The following REV3L variants were observed in gnomAD, a reference collection of about 807,000 sequenced individuals.
The protein encoded by REV3L is DNA polymerase zeta catalytic subunit.
REV3L carries 69 observed loss-of-function variants against 299.4 expected under a neutral mutation model. The observed-to-expected ratio is 0.23, with a 90% CI of 0.19 to 0.28. The LOEUF is 0.28. REV3L is among the 10% of genes least tolerant of loss of function. The pLI, the probability that REV3L is intolerant of heterozygous loss-of-function variation, is 1.00. For missense variants in REV3L, 3,128 were observed against 3,693.8 expected (o/e 0.85, Z 3.97); for synonymous variants, 1,238 against 1,271.4 (o/e 0.97, Z 0.56).
chr6:111,389,613 C>T (rs1781693103), intron 6 of REV3L, among the ~76,000 whole-genome samples: 1 of 151,880 alleles, frequency 6.6e-6, no homozygotes, highest in Non-Finnish European at 1.5e-5. Flanking sequence ...AAAATTAATA[C>T]CTCATCAGAA....
intron 1 of REV3L, among the ~76,000 whole-genome samples, chr6:111,465,676 T>C (rs1454165418): frequency 7.4e-6 from 1 of 134,974 alleles, no homozygotes; most frequent in Non-Finnish European, 1.5e-5. Context: ...GAGGTTGCAG[T>C]GAGCTGAGAT....
chr6:111,343,781 C>T lies in REV3L; in HGVS notation c.7538+144G>A, dbSNP rs562466526. On this transcript the variant is annotated intron_variant, in intron 21 of 31. Coordinates refer to ENST00000368802, the MANE Select transcript of REV3L (RefSeq NM_001372078.1). ...CTGATGTCAGGTGATGTGCCCGCCT[C>T]GGCCTCCCAATGTGCTAGGATTACA... is the stretch of plus-strand genomic sequence containing the variant. 21 of 488,454 alleles carry T rather than the reference C, an allele frequency of 4.3e-5. No individual in the cohort carries two copies. In the South Asian group the frequency reaches 9.0e-4, roughly 21 times the overall value. The allele number at this position is 488,454 out of a possible 1,614,324, so 30.3% of individuals were successfully genotyped here.
rs1489298836 is a variant in REV3L at position 111,313,429 on chromosome 6, G to C, written c.8527C>G (p.Leu2843Val). The C allele has an allele frequency of 1.9e-6, 3 of 1,613,274 alleles. No individual in the cohort carries two copies. Among genetic ancestry groups the C allele is most frequent in the Non-Finnish European group, 2.5e-6 (3 of 1,179,622 alleles). Residue 2843 changes from leucine to valine, a missense_variant, in exon 28 of 32, where the codon CTG becomes GTG. By Grantham distance (32) the Leu-to-Val change is conservative (BLOSUM62 1). This residue lies in a region of REV3L where 294 missense variants were observed against 377.0 expected (regional missense o/e 0.78). Coordinates refer to ENST00000368802, the MANE Select transcript of REV3L (RefSeq NM_001372078.1). ...TCAAATACTGGGTCCTTCTGATCCA[G>C]TGTTTCATACATGTAACCCACATAC... is the stretch of plus-strand genomic sequence containing the variant. ...KRYVGYMYET[L>V]DQKDPVFDAK...
intron 5 of REV3L, among the ~76,000 whole-genome samples, chr6:111,390,639 G>T (rs1048213189): frequency 1.3e-5 from 2 of 152,130 alleles, no homozygotes. Context: ...ATGGGCAAAC[G>T]ATATTCACCA....
chr6:111,439,409 G>A (rs1192597456), intron 1 of REV3L, among the ~76,000 whole-genome samples: 4 of 152,100 alleles, frequency 2.6e-5, no homozygotes. Flanking sequence ...TTGGTGGCTG[G>A]CCATCAGAAG....
Position 111,390,026 on chromosome 6 carries a change from A to G in REV3L, c.757+60T>C, listed in dbSNP as rs958130911. 2.9e-5 allele frequency: 33 copies of G among 1,123,106 alleles called. No individual in the cohort carries two copies. The African/African-American group carries it at 3.9e-4, about 13-fold the overall frequency. 69.6% of individuals were successfully genotyped at this position (1,123,106 alleles called of 1,614,324 possible). Reference sequence around the variant, plus strand: ...TGGGATTACAGGCGTGAGCCACCACACCCGCCGGTCATTAATTTTAAAAAA... The same window carrying G: ...TGGGATTACAGGCGTGAGCCACCACGCCCGCCGGTCATTAATTTTAAAAAA... On this transcript the variant is annotated intron_variant, in intron 6 of 31. Coordinates refer to ENST00000368802, the MANE Select transcript of REV3L (RefSeq NM_001372078.1).
At chr6:111,334,848 G>A (rs1205075992) in intron 22 of REV3L, among the ~76,000 whole-genome samples, 1 of 152,152 alleles carries the variant, frequency 6.6e-6, no homozygotes, top group Admixed American at 6.5e-5. Flanking sequence ...ATTAAAATAA[G>A]TAAGGATTTT....
chr6:111,386,885 C>A (rs1781404579), intron 9 of REV3L, among the ~76,000 whole-genome samples: 1 of 151,948 alleles, frequency 6.6e-6, no homozygotes, highest in Admixed American at 6.6e-5. Flanking sequence ...CCACGCCCGG[C>A]TAATTTTTGT....
intron 26 of REV3L, among the ~76,000 whole-genome samples, chr6:111,321,167 A>ATT (rs994714416): frequency 3.3e-5 from 5 of 152,192 alleles, no homozygotes; most frequent in African/African-American, 1.2e-4. Context: ...TGTTCTTAAT[A>ATT]AGCATCACTT....
chr6:111,361,702 G>A (rs1778699302), intron 16 of REV3L: 1 of 152,162 alleles, frequency 6.6e-6, no homozygotes, highest in South Asian at 2.1e-4. Context: ...TACAACCCTT[G>A]TCTTCTGCAC....
At chr6:111,384,687 G>T (rs1439635983) in intron 9 of REV3L, among the ~76,000 whole-genome samples, 1 of 152,150 alleles carries the variant, frequency 6.6e-6, no homozygotes, top group Non-Finnish European at 1.5e-5. Context: ...CAGTATGAAG[G>T]TTCCTTAATA....
intron 1 of REV3L, among the ~76,000 whole-genome samples, chr6:111,435,775 A>T (rs115785617): frequency 0.028 from 4,220 of 152,234 alleles, 70 homozygotes; most frequent in South Asian, 0.078. Context: ...TTTGGGTAAG[A>T]CCTCAAAAGC....
chr6:111,341,760 G>GC (rs1292848330), intron 21 of REV3L, among the ~76,000 whole-genome samples: 2 of 151,836 alleles, frequency 1.3e-5, no homozygotes, highest in Non-Finnish European at 2.9e-5. Flanking sequence ...AGGAGTTGGG[G>GC]GGGGTCAGAA....
chr6:111,396,159 T>C (rs1237572193), intron 4 of REV3L, among the ~76,000 whole-genome samples: 3 of 152,100 alleles, frequency 2.0e-5, no homozygotes, highest in African/African-American at 7.2e-5. Flanking sequence ...CCCAAGTAGG[T>C]GGGACTACAG....
At chr6:111,370,358 TAA>T (rs1302971761) in intron 13 of REV3L, among the ~76,000 whole-genome samples, 3 of 152,054 alleles carry the variant, frequency 2.0e-5, no homozygotes, top group Admixed American at 6.5e-5. Context: ...AGCAGTGAAA[TAA>T]AGAGTTCCAT....
chr6:111,391,870 T>A (rs188851958), intron 5 of REV3L, among the ~76,000 whole-genome samples: 39 of 152,384 alleles, frequency 2.6e-4, no homozygotes, highest in African/African-American at 8.9e-4. Context: ...ACACCTATAG[T>A]CCTAGATTCT....
intron 25 of REV3L, among the ~76,000 whole-genome samples, chr6:111,323,771 G>A (rs1357183508): frequency 6.6e-6 from 1 of 152,130 alleles, no homozygotes; most frequent in East Asian, 1.9e-4. Context: ...CATTCCTTTT[G>A]CAATTTTAAA....
At chr6:111,435,844 G>T (rs1228985255) in intron 1 of REV3L, among the ~76,000 whole-genome samples, 1 of 152,056 alleles carries the variant, frequency 6.6e-6, no homozygotes, top group Non-Finnish European at 1.5e-5. Context: ...TTGAGCAAAG[G>T]AAACAATCAA....
At chr6:111,412,318 C>G (rs1424903419) in intron 2 of REV3L, 21 of 943,624 alleles carry the variant, frequency 2.2e-5, no homozygotes, top group Non-Finnish European at 2.7e-5. Flanking sequence ...AAGGGGGAAG[C>G]AAAAGGCTAT....
Sources: allele counts gnomAD v4.1 joint callset (sites outside exome capture counted in the v4.1 genomes callset), GRCh38; gene constraint gnomAD v4.1.1; regional missense constraint gnomAD v4.1.1; transcripts MANE v1.5; gene names NCBI Gene and HGNC (gene_info 2026-07-23, HGNC 2026-07-21).